Variants in NSD3 observed in about 807,000 individuals in gnomAD.
NSD3 encodes the protein histone-lysine N-methyltransferase NSD3.
In NSD3, 24 loss-of-function variants were observed where a neutral mutation model predicts 160.8. The observed-to-expected ratio is 0.15, with a 90% CI of 0.11 to 0.21. The LOEUF (loss-of-function observed/expected upper bound fraction) is 0.21. NSD3 is among the 10% of genes least tolerant of loss of function. The pLI is 1.00. For missense variants in NSD3, 1,157 were observed against 1,735.9 expected (o/e 0.67, Z 5.93); for synonymous variants, 520 against 600.0 (o/e 0.87, Z 1.95).
chr8:38,347,848 G>A lies in NSD3; in HGVS notation c.324C>T (p.Pro108=). The change falls in exon 2 of 24, where the codon CCC becomes CCT. Residue 108 remains proline (P), a synonymous_variant. Coordinates refer to ENST00000317025, the MANE Select transcript of NSD3 (RefSeq NM_023034.2). ...NGFGAVRNFS[P]TDYYHSEIPN... is the part of the protein sequence containing the mutation. The stretch of plus-strand genomic sequence containing the variant: ...GAATTTCTGAATGATAATAGTCAGT[G>A]GGGCTAAAGTTTCTAACTGCACCAA... 1.2e-6 allele frequency: 2 copies of A among 1,614,198 alleles called. No individual in the cohort carries two copies. Among genetic ancestry groups the A allele is most frequent in the Non-Finnish European group, 1.7e-6 (2 of 1,180,028 alleles).
intron 15 of NSD3, among the ~76,000 whole-genome samples, chr8:38,296,403 C>T (rs1809144494): frequency 6.6e-6 from 1 of 150,534 alleles, no homozygotes; most frequent in Admixed American, 6.7e-5. Context: ...TAACTAAATT[C>T]CTTTACAATA....
chr8:38,343,111 G>A (rs977208915), intron 2 of NSD3, among the ~76,000 whole-genome samples: 1 of 151,738 alleles, frequency 6.6e-6, no homozygotes, highest in Non-Finnish European at 1.5e-5. Flanking sequence ...CATAGGAATC[G>A]CTTGAACCCG....
Position 38,317,878 on chromosome 8 carries a change from T to C in NSD3, c.1855+1017A>G. On this transcript the variant is annotated intron_variant, in intron 9 of 23. Coordinates refer to ENST00000317025, the MANE Select transcript of NSD3 (RefSeq NM_023034.2). This position sits in a 1 kb window ranked among gnomAD's most constrained non-coding sequence, Gnocchi z 5.3. ...ATCAAAATCGAAAACAAAGAAACTG[T>C]TTATCAAGCCGCCGACAAAGAAATC... 1 of 1,594,726 alleles carries C rather than the reference T, an allele frequency of 6.3e-7. No individual in the cohort carries two copies. The highest frequency in any genetic ancestry group is 1.1e-5 in the South Asian group (1 of 88,440).
chr8:38,345,103 C>T (rs1055895553), intron 2 of NSD3, among the ~76,000 whole-genome samples: 10 of 152,144 alleles, frequency 6.6e-5, no homozygotes, highest in African/African-American at 1.9e-4. Flanking sequence ...TGGACTACAA[C>T]TTCTACAACT....
At position 38,272,753 on chromosome 8, in the gene NSD3, T is replaced by C. The variant is rs1281830725; in HGVS notation, c.*2888A>G. 6.6e-6 allele frequency: 1 copy of C among 152,222 alleles called. No individual in the cohort carries two copies. Among genetic ancestry groups the C allele is most frequent in the Non-Finnish European group, 1.5e-5 (1 of 68,048 alleles). The allele number at this position is 152,222 out of a possible 1,614,324, so 9.4% of individuals were successfully genotyped here. On this transcript the variant is annotated 3_prime_UTR_variant, in exon 24 of 24. Transcript: ENST00000317025. ...ACCAGCCACTTACACTCTGACCACA[T>C]ATAGATTTAAAAGTTAACAAATACC...
chr8:38,379,935 T>C (rs934899780), intron 1 of NSD3, among the ~76,000 whole-genome samples: 1 of 152,262 alleles, frequency 6.6e-6, no homozygotes, highest in African/African-American at 2.4e-5. Flanking sequence ...AACCTTAGAA[T>C]AGTAATTATT....
At chr8:38,341,653 A>C (rs1046941168) in intron 2 of NSD3, among the ~76,000 whole-genome samples, 1 of 152,096 alleles carries the variant, frequency 6.6e-6, no homozygotes, top group African/African-American at 2.4e-5. Context: ...GAGATACCTG[A>C]GGTTAAAAAC....
chr8:38,346,707 A>G (rs189715776), intron 2 of NSD3, among the ~76,000 whole-genome samples: 2 of 152,264 alleles, frequency 1.3e-5, no homozygotes, highest in Admixed American at 1.3e-4. Context: ...AAGTAATAGA[A>G]GCCAGCTACC....
Position 38,317,563 on chromosome 8 carries a change from T to C in NSD3, c.1855+1332A>G. On this transcript the variant is annotated intron_variant, in intron 9 of 23. Coordinates refer to ENST00000317025, the MANE Select transcript of NSD3 (RefSeq NM_023034.2). This position sits in a 1 kb window ranked among gnomAD's most constrained non-coding sequence, Gnocchi z 5.3. ...TTCTCCATGATAACGGCACTAATAT[T>C]AAAAAAAATAAGAACTTTTAATGAT... 1 of 1,069,906 alleles carries C rather than the reference T, an allele frequency of 9.3e-7. No individual in the cohort carries two copies. The highest frequency in any genetic ancestry group is 1.1e-6 in the Non-Finnish European group (1 of 882,146). The allele number at this position is 1,069,906 out of a possible 1,614,324, so 66.3% of individuals were successfully genotyped here. A position where few individuals can be genotyped will look rare whatever the true frequency, so the allele number is the denominator to read the frequency against.
Position 38,318,004 on chromosome 8 carries a change from T to G in NSD3, c.1855+891A>C. Reference sequence around the variant, plus strand: ...CTGCGGAGACGGAGCTGTCACTGAATCTGACAGAGCCCTGCACTCCCCGGT... The same window carrying G: ...CTGCGGAGACGGAGCTGTCACTGAAGCTGACAGAGCCCTGCACTCCCCGGT... On this transcript the variant is annotated intron_variant, in intron 9 of 23. Transcript: ENST00000317025. The surrounding 1 kb of genome is among the most constrained non-coding windows in gnomAD (Gnocchi z 5.3). 1 of 1,614,142 alleles carries G rather than the reference T, an allele frequency of 6.2e-7. No homozygotes were observed. Among genetic ancestry groups the G allele is most frequent in the Non-Finnish European group, 8.5e-7 (1 of 1,180,034 alleles).
At chr8:38,327,748 A>T (rs1484222468) in intron 6 of NSD3, among the ~76,000 whole-genome samples, 1 of 152,220 alleles carries the variant, frequency 6.6e-6, no homozygotes, top group Non-Finnish European at 1.5e-5. Flanking sequence ...TTAAGAGACA[A>T]GAATACCCCT....
intron 6 of NSD3, among the ~76,000 whole-genome samples, chr8:38,327,852 T>C (rs1039390129): frequency 1.3e-5 from 2 of 152,190 alleles, no homozygotes; most frequent in African/African-American, 4.8e-5. Flanking sequence ...TTAGGTCTCC[T>C]TTTAGGTATT....
intron 16 of NSD3, among the ~76,000 whole-genome samples, chr8:38,294,084 G>GTT (rs1399847399): frequency 6.6e-6 from 1 of 151,726 alleles, no homozygotes; most frequent in Non-Finnish European, 1.5e-5. Flanking sequence ...GTTTAATTGT[G>GTT]TTTTTTTGTT....
At chr8:38,281,422 C>CAAAA (rs763619368) in intron 20 of NSD3, 45 bp downstream of exon 20, 4 of 1,101,414 alleles carry the variant, frequency 3.6e-6, no homozygotes, top group Non-Finnish European at 5.0e-6. Context: ...GAAACAAAAA[C>CAAAA]AAAAACAAAT....
chr8:38,331,310 G>A lies in NSD3; in HGVS notation c.1065+121C>T, dbSNP rs927208519. 6 of 1,167,194 alleles carry A rather than the reference G, an allele frequency of 5.1e-6. 1 individual carries two copies. Among genetic ancestry groups the A allele is most frequent in the Admixed American group, 6.5e-5 (2 of 30,826 alleles). The allele number at this position is 1,167,194 out of a possible 1,614,324, so 72.3% of individuals were successfully genotyped here. On this transcript the variant is annotated intron_variant, in intron 5 of 23. Coordinates refer to ENST00000317025, the MANE Select transcript of NSD3 (RefSeq NM_023034.2). ...GTCATTTACCATTACGATTAAAACAGCTGAAAGGGGTTTAAAAAAAGGATT... is the reference window on the plus strand; with the variant it reads ...GTCATTTACCATTACGATTAAAACAACTGAAAGGGGTTTAAAAAAAGGATT...
intron 2 of NSD3, among the ~76,000 whole-genome samples, chr8:38,345,554 T>C (rs1423971342): frequency 6.6e-6 from 1 of 152,032 alleles, no homozygotes; most frequent in East Asian, 1.9e-4. Flanking sequence ...AACAATCAAA[T>C]AGTAAATTTT....
chr8:38,329,881 G>C lies in NSD3; in HGVS notation c.1078C>G (p.Arg360Gly). Residue 360 changes from arginine (R) to glycine (G), a missense_variant, in exon 6 of 24, where the codon CGA (arginine) becomes GGA (glycine). Coordinates refer to ENST00000317025, the MANE Select transcript of NSD3 (RefSeq NM_023034.2). This position sits in a 1 kb window ranked among gnomAD's most constrained non-coding sequence, Gnocchi z 4.8. Reference protein sequence around the residue: ...HSEKQKIRKPRPQRERAQWDI... With the variant: ...HSEKQKIRKPGPQRERAQWDI... ...CACTGAGCACGTTCTCTCTGAGGTC[G>C]GGGTTTCCGAATCTTTAAAAAAGAT... 6.3e-7 allele frequency: 1 copy of C among 1,580,526 alleles called. No individual in the cohort carries two copies. Among genetic ancestry groups the C allele is most frequent in the South Asian group, 1.1e-5 (1 of 87,568 alleles).
Position 38,316,088 on chromosome 8 carries a change from T to G in NSD3, c.1856-46A>C, listed in dbSNP as rs761976001. ...TTAATCCTAAAATAGTACTTAAGGTTTGTTTTAATTTTTTTGTGTGTGGGA... is the reference window on the plus strand; with the variant it reads ...TTAATCCTAAAATAGTACTTAAGGTGTGTTTTAATTTTTTTGTGTGTGGGA... On this transcript the variant is annotated intron_variant, in intron 9 of 23. Transcript: ENST00000317025. This position sits in a 1 kb window ranked among gnomAD's most constrained non-coding sequence, Gnocchi z 4.5. The G allele has an allele frequency of 8.2e-6, 13 of 1,594,130 alleles. No individual in the cohort carries two copies. The highest frequency in any genetic ancestry group is 1.1e-5 in the Non-Finnish European group (13 of 1,171,218).
chr8:38,282,891 C>T (rs527566102), intron 19 of NSD3, among the ~76,000 whole-genome samples: 5 of 152,222 alleles, frequency 3.3e-5, no homozygotes, highest in Non-Finnish European at 7.4e-5. Context: ...GGATTGTTTC[C>T]AGATTTTGGC....
Sources: gnomAD v4.1 joint callset for allele counts (sites outside exome capture counted in the v4.1 genomes callset) on GRCh38, gnomAD v4.1.1 for gene constraint, Gnocchi (gnomAD v3.1) non-coding constraint, MANE v1.5 for transcripts, NCBI Gene and HGNC (gene_info 2026-07-23, HGNC 2026-07-21) for gene names.